The following CCSER1 variants were observed in gnomAD, a reference collection of about 807,000 sequenced individuals.
CCSER1 encodes the protein coiled-coil serine rich protein 1.
In CCSER1, 41 loss-of-function variants were observed where a neutral mutation model predicts 82.0. The ratio of observed to expected loss-of-function variants is 0.50; its 90% CI spans 0.39 to 0.65. The LOEUF is 0.65. CCSER1 is among the 30% of genes least tolerant of loss of function. The pLI is 0.00. For synonymous variants in CCSER1, 414 were observed against 383.9 expected, an observed-to-expected ratio of 1.08 and a Z score of -0.92; for missense variants, 1,119 against 1,064.2, an observed-to-expected ratio of 1.05 and a Z score of -0.72.
At chr4:91,178,500 G>A (rs996021951) in intron 10 of CCSER1, among the ~76,000 whole-genome samples, 30 of 152,076 alleles carry the variant, frequency 2.0e-4, no homozygotes, top group Non-Finnish European at 3.8e-4. Context: ...TCCTGTATTG[G>A]GTGCATATAT....
intron 10 of CCSER1, among the ~76,000 whole-genome samples, chr4:91,504,363 A>C (rs918567384): frequency 1.3e-5 from 2 of 152,156 alleles, no homozygotes; most frequent in Admixed American, 6.6e-5. Context: ...TTTCCAAAAA[A>C]TTCTAAAATT....
At chr4:90,838,933 A>C in intron 8 of CCSER1, 1 of 1,613,466 alleles carries the variant, frequency 6.2e-7, no homozygotes, top group Non-Finnish European at 8.5e-7. Context: ...TCTCCTGTTC[A>C]ATCGTTTCTT....
intron 1 of CCSER1, among the ~76,000 whole-genome samples, chr4:90,270,910 A>G (rs936963605): frequency 6.6e-6 from 1 of 152,164 alleles, no homozygotes; most frequent in Non-Finnish European, 1.5e-5. Flanking sequence ...ATAAAATTAA[A>G]TACTTAGGAA....
chr4:90,964,418 T>TCAAAATTA (rs1734336061), intron 9 of CCSER1, among the ~76,000 whole-genome samples: 1 of 151,132 alleles, frequency 6.6e-6, no homozygotes, highest in African/African-American at 2.5e-5. Flanking sequence ...TCTGAAAATC[T>TCAAAATTA]GCTATTCCAT....
chr4:90,814,211 C>A (rs1170764465), intron 7 of CCSER1, among the ~76,000 whole-genome samples: 1 of 152,202 alleles, frequency 6.6e-6, no homozygotes, highest in African/African-American at 2.4e-5. Context: ...TGCAGGCTGC[C>A]ATGGCCCAAG....
chr4:90,799,540 C>A (rs1440225795), intron 7 of CCSER1, among the ~76,000 whole-genome samples: 4 of 152,118 alleles, frequency 2.6e-5, no homozygotes, highest in Non-Finnish European at 5.9e-5. Context: ...AAGCTATGGG[C>A]TCCCAAGTAA....
At chr4:90,186,080 G>A (rs1341843516) in intron 1 of CCSER1, among the ~76,000 whole-genome samples, 1 of 151,964 alleles carries the variant, frequency 6.6e-6, no homozygotes, top group African/African-American at 2.4e-5. Context: ...CATTGTCTAG[G>A]AGTGGAACAG....
In CCSER1 at chr4:90,694,797, G is replaced by GGGGTGTGTGT. The variant is rs1553987833; in HGVS notation, c.1933-29116_1933-29115insGGTGTGTGTG. ...TTCTCAATGCACGATGTGTGTGTGG[G>GGGGTGTGTGT]GTGTGTGTGTGTGTGTGTGTGTGTG... On this transcript the variant is annotated intron_variant, in intron 6 of 10. Transcript: ENST00000509176. 2.8e-5 allele frequency among the ~76,000 whole-genome samples: 4 copies of GGGGTGTGTGT among 145,364 alleles called. No homozygotes were observed. In the South Asian group the frequency reaches 6.4e-4, roughly 23 times the overall value.
intron 10 of CCSER1, among the ~76,000 whole-genome samples, chr4:91,541,319 G>A (rs527390247): frequency 6.9e-4 from 105 of 152,264 alleles, no homozygotes; most frequent in African/African-American, 2.4e-3. Context: ...ATGTTGGTGC[G>A]CTGCACCCAT....
chr4:90,323,577 C>G (rs1457063328), intron 3 of CCSER1, among the ~76,000 whole-genome samples: 1 of 152,192 alleles, frequency 6.6e-6, no homozygotes, highest in Non-Finnish European at 1.5e-5. Context: ...CTCTCCCTCC[C>G]ACAAGCTCAC....
At chr4:90,623,976 A>G (rs1722838926) in intron 5 of CCSER1, among the ~76,000 whole-genome samples, 1 of 152,196 alleles carries the variant, frequency 6.6e-6, no homozygotes, top group African/African-American at 2.4e-5. Context: ...TTTAAAATGA[A>G]GTTGAAACAA....
At chr4:91,033,466 A>C (rs1326795088) in intron 9 of CCSER1, among the ~76,000 whole-genome samples, 1 of 152,094 alleles carries the variant, frequency 6.6e-6, no homozygotes, top group Non-Finnish European at 1.5e-5. Context: ...AACCAGCCTG[A>C]AGTCAGTGTA....
chr4:90,364,169 T>C (rs1745868461), intron 3 of CCSER1, among the ~76,000 whole-genome samples: 1 of 152,010 alleles, frequency 6.6e-6, no homozygotes, highest in Non-Finnish European at 1.5e-5. Context: ...ATTTTTACCC[T>C]GAAATAGACA....
intron 7 of CCSER1, among the ~76,000 whole-genome samples, chr4:90,745,678 C>CTTT (rs537380046): frequency 2.5e-4 from 18 of 72,236 alleles, no homozygotes; most frequent in African/African-American, 4.7e-4. Flanking sequence ...TTTCTTTTAT[C>CTTT]TTTTTTTTTT....
chr4:91,087,720 C>A (rs897365133), intron 10 of CCSER1, among the ~76,000 whole-genome samples: 7 of 152,092 alleles, frequency 4.6e-5, no homozygotes, highest in African/African-American at 1.4e-4. Flanking sequence ...GTAATGTCTT[C>A]TGCACTTGAC....
At chr4:90,657,817 T>C (rs914379422) in intron 6 of CCSER1, among the ~76,000 whole-genome samples, 1 of 152,224 alleles carries the variant, frequency 6.6e-6, no homozygotes, top group Non-Finnish European at 1.5e-5. Context: ...TAACTCTATA[T>C]GTGGAGCCAG....
At chr4:90,370,447 G>A (rs1236431501) in intron 3 of CCSER1, 1 of 152,076 alleles carries the variant, frequency 6.6e-6, no homozygotes, top group Non-Finnish European at 1.5e-5. Context: ...GAAGCCTTAA[G>A]AAGAGGTTAT....
intron 9 of CCSER1, among the ~76,000 whole-genome samples, chr4:91,061,767 T>A (rs1743975400): frequency 6.6e-6 from 1 of 151,888 alleles, no homozygotes; most frequent in South Asian, 2.1e-4. Context: ...TTAATTTATT[T>A]TTTTTTCACC....
chr4:90,865,403 A>G (rs560195149), intron 8 of CCSER1, among the ~76,000 whole-genome samples: 1 of 152,150 alleles, frequency 6.6e-6, no homozygotes, highest in East Asian at 1.9e-4. Flanking sequence ...ATGAAAAGAC[A>G]ATTTTGCCTT....
Sources: allele counts gnomAD v4.1 joint callset (sites outside exome capture counted in the v4.1 genomes callset), GRCh38; gene constraint gnomAD v4.1.1; transcripts MANE v1.5; gene names NCBI Gene and HGNC (gene_info 2026-07-23, HGNC 2026-07-21).